CPM: variants seen among roughly 807,000 people sequenced by gnomAD.
CPM encodes renal carboxypeptidase.
CPM carries 35 observed loss-of-function variants against 46.4 expected under a neutral mutation model. The observed-to-expected ratio is 0.75, with a 90% CI of 0.58 to 1.00. The LOEUF is 1.00. Ranked by LOEUF, CPM falls within the 50% of genes least tolerant of loss-of-function variation. The pLI, the probability that CPM is intolerant of heterozygous loss-of-function variation, is 0.00. For synonymous variants in CPM, 195 were observed against 195.3 expected, an observed-to-expected ratio of 1.00 and a Z score of 0.01; for missense variants, 422 against 530.4, an observed-to-expected ratio of 0.80 and a Z score of 2.01.
chr12:68,866,594 T>C (rs1290545276), intron 7 of CPM, among the ~76,000 whole-genome samples: 3 of 152,210 alleles, frequency 2.0e-5, no homozygotes, highest in Admixed American at 2.0e-4. Context: ...TACACCTGCC[T>C]CGGCCTCCCA....
chr12:68,960,164 A>G (rs1889087668), intron 1 of CPM, among the ~76,000 whole-genome samples: 1 of 152,210 alleles, frequency 6.6e-6, no homozygotes, highest in Non-Finnish European at 1.5e-5. Flanking sequence ...ATTTTCTATA[A>G]CATATGAATG....
At chr12:68,884,623 A>C (rs1018502144) in intron 3 of CPM, among the ~76,000 whole-genome samples, 2 of 152,260 alleles carry the variant, frequency 1.3e-5, no homozygotes, top group Non-Finnish European at 2.9e-5. Flanking sequence ...TAAATGAGAA[A>C]GTCCCTAAAG....
At chr12:68,916,611 C>T (rs1887814634) in intron 2 of CPM, among the ~76,000 whole-genome samples, 1 of 152,128 alleles carries the variant, frequency 6.6e-6, no homozygotes, top group African/African-American at 2.4e-5. Flanking sequence ...AATCTCTGGG[C>T]TGGGCACGGT....
chr12:68,911,681 C>T lies in CPM; in HGVS notation c.160+20997G>A, dbSNP rs1207093181. ...ACTGCAGTAAGAGTAGCATATATTT[C>T]CATAGCACTTATGTGCCAATCATAT... On this transcript the variant is annotated intron_variant, in intron 2 of 8. Transcript: ENST00000551568. 2.0e-5 allele frequency among the ~76,000 whole-genome samples: 3 copies of T among 152,296 alleles called. No individual in the cohort carries two copies. The East Asian group carries it at 5.8e-4, about 29-fold the overall frequency.
chr12:68,925,633 G>A (rs549005320), intron 2 of CPM, among the ~76,000 whole-genome samples: 1 of 152,276 alleles, frequency 6.6e-6, no homozygotes, highest in African/African-American at 2.4e-5. Context: ...TGACTCAGGG[G>A]GGTAAAAAGG....
intron 1 of CPM, among the ~76,000 whole-genome samples, chr12:68,959,284 G>A (rs1360011021): frequency 6.6e-6 from 1 of 152,140 alleles, no homozygotes; most frequent in Non-Finnish European, 1.5e-5. Flanking sequence ...GAAAGAGCCA[G>A]TCCTCTCCAT....
Position 68,932,701 on chromosome 12 carries a change from TGTAA to T in CPM, c.133_136del (p.Leu45ThrfsTer7). 6.2e-7 allele frequency: 1 copy of T among 1,614,130 alleles called. No individual in the cohort carries two copies. ...ACCTTTCACAGATTTCCCAATACTG[TGTAA>T]GTGAGTGACAGAACTGTAGTTTTGG... On this transcript the variant is annotated frameshift_variant, in exon 2 of 9. Transcript: ENST00000551568. LOFTEE classifies it high-confidence loss of function.
At chr12:68,950,048 C>T (rs566122306) in intron 1 of CPM, among the ~76,000 whole-genome samples, 2 of 152,112 alleles carry the variant, frequency 1.3e-5, no homozygotes, top group Admixed American at 1.3e-4. Context: ...TGTGCTTGGG[C>T]CTTGTTCACG....
chr12:68,932,940 A>C, intron 1 of CPM, 100 bp from the exon 2 acceptor site: 6 of 1,072,252 alleles, frequency 5.6e-6, no homozygotes, highest in Non-Finnish European at 8.2e-6. Context: ...GTCTCCCGAC[A>C]CTGACGCTCC....
intron 7 of CPM, among the ~76,000 whole-genome samples, chr12:68,864,466 A>G (rs887652346): frequency 1.3e-5 from 2 of 152,200 alleles, no homozygotes; most frequent in Non-Finnish European, 2.9e-5. Flanking sequence ...AACAAAACCT[A>G]GTGCAAATGG....
At chr12:68,910,581 A>G (rs1887553538) in intron 2 of CPM, among the ~76,000 whole-genome samples, 5 of 152,238 alleles carry the variant, frequency 3.3e-5, no homozygotes, top group African/African-American at 1.2e-4. Context: ...TTATTGAGAC[A>G]TAATTTGCAT....
chr12:68,891,217 GT>G (rs1352030197), intron 2 of CPM, among the ~76,000 whole-genome samples: 2 of 152,242 alleles, frequency 1.3e-5, no homozygotes, highest in African/African-American at 2.4e-5. Flanking sequence ...CACACAAGAA[GT>G]TTATCACATA....
chr12:68,875,608 C>T (rs1358869907), intron 3 of CPM, among the ~76,000 whole-genome samples: 4 of 151,814 alleles, frequency 2.6e-5, no homozygotes, highest in African/African-American at 7.3e-5. Flanking sequence ...GAGTTCGAGA[C>T]GAGCCTGGCC....
chr12:68,873,158 G>A (rs190382477), intron 3 of CPM, among the ~76,000 whole-genome samples: 1 of 152,308 alleles, frequency 6.6e-6, no homozygotes, highest in Admixed American at 6.5e-5. Flanking sequence ...GAGAAAATCA[G>A]GAGAGTGCTG....
intron 1 of CPM, among the ~76,000 whole-genome samples, chr12:68,960,878 C>G (rs970044854): frequency 6.6e-6 from 1 of 152,114 alleles, no homozygotes; most frequent in Non-Finnish European, 1.5e-5. Flanking sequence ...ATCTGCAGAA[C>G]AGGTGAAAAG....
At chr12:68,930,643 T>C (rs1331979947) in intron 2 of CPM, among the ~76,000 whole-genome samples, 2 of 152,236 alleles carry the variant, frequency 1.3e-5, no homozygotes, top group Non-Finnish European at 2.9e-5. Context: ...TAACCACTAG[T>C]GTCAGATTTT....
At chr12:68,933,560 G>A (rs949829727), upstream of CPM, among the ~76,000 whole-genome samples, 8 of 152,106 alleles carry the variant, frequency 5.3e-5, no homozygotes, top group African/African-American at 1.9e-4. Flanking sequence ...GGGCTCGGCG[G>A]GTTTCCTGCG....
chr12:68,863,505 G>A (rs1322127978), intron 7 of CPM, among the ~76,000 whole-genome samples: 1 of 152,138 alleles, frequency 6.6e-6, no homozygotes, highest in African/African-American at 2.4e-5. Flanking sequence ...CAAGGGGCCC[G>A]AGTTTCAGTT....
chr12:68,893,385 C>A (rs961539760), intron 2 of CPM, among the ~76,000 whole-genome samples: 1 of 152,170 alleles, frequency 6.6e-6, no homozygotes, highest in African/African-American at 2.4e-5. Context: ...TGCCCTCTAG[C>A]CTGCCCCAGG....
Sources: allele counts gnomAD v4.1 joint callset (sites outside exome capture counted in the v4.1 genomes callset), GRCh38; gene constraint gnomAD v4.1.1; transcripts MANE v1.5; gene names NCBI Gene and HGNC (gene_info 2026-07-23, HGNC 2026-07-21).